NDUFA5: variants seen among roughly 807,000 people sequenced by gnomAD.
NDUFA5 encodes the protein NADH dehydrogenase [ubiquinone] 1 alpha subcomplex subunit 5.
In NDUFA5, 11 loss-of-function variants were observed where a neutral mutation model predicts 19.8. That is an observed-to-expected ratio of 0.56 (90% confidence interval 0.35 to 0.92). The LOEUF is 0.92. NDUFA5 is among the 40% of genes least tolerant of loss of function. The pLI is 0.01. For missense variants in NDUFA5, 109 were observed against 134.2 expected (o/e 0.81, Z 0.93); for synonymous variants, 47 against 46.8 (o/e 1.00, Z -0.01).
At chr7:123,588,616 T>C in the NDUFA5 span, among the ~76,000 whole-genome samples, 18 of 151,180 alleles carry the variant, frequency 1.2e-4, no homozygotes, top group African/African-American at 4.4e-4. Flanking sequence ...CTACTAACTT[T>C]GGGGTTATTT....
chr7:123,561,109 T>A (rs964601730), upstream of NDUFA5, among the ~76,000 whole-genome samples: 1 of 152,238 alleles, frequency 6.6e-6, no homozygotes, highest in South Asian at 2.1e-4. Flanking sequence ...AATACTCAAG[T>A]TGATGTAGCG....
chr7:123,578,720 C>T, the NDUFA5 span, among the ~76,000 whole-genome samples: 1 of 152,030 alleles, frequency 6.6e-6, no homozygotes, highest in Non-Finnish European at 1.5e-5. Context: ...ACATTGAATG[C>T]ACGGTTAGAA....
chr7:123,570,832 C>A, the NDUFA5 span, among the ~76,000 whole-genome samples: 1 of 152,146 alleles, frequency 6.6e-6, no homozygotes, highest in Non-Finnish European at 1.5e-5. Context: ...CTTTTTCTAA[C>A]AAATTTACCT....
the NDUFA5 span, among the ~76,000 whole-genome samples, chr7:123,577,393 T>G: frequency 6.6e-6 from 1 of 152,158 alleles, no homozygotes; most frequent in African/African-American, 2.4e-5. Flanking sequence ...TGGCCCAGTT[T>G]CCCTTCCTTT....
upstream of NDUFA5, among the ~76,000 whole-genome samples, chr7:123,561,147 A>G (rs1444313863): frequency 6.6e-6 from 1 of 152,220 alleles, no homozygotes; most frequent in Non-Finnish European, 1.5e-5. Flanking sequence ...TCAAAATCCC[A>G]GCTTCCTTTT....
chr7:123,560,496 A>C (rs1274443287), upstream of NDUFA5, among the ~76,000 whole-genome samples: 1 of 152,216 alleles, frequency 6.6e-6, no homozygotes, highest in East Asian at 1.9e-4. Context: ...ATTATACGTG[A>C]TCTATCAGGG....
chr7:123,564,946 TAC>T, the NDUFA5 span, among the ~76,000 whole-genome samples: 2 of 147,718 alleles, frequency 1.4e-5, no homozygotes, highest in African/African-American at 2.6e-5. Flanking sequence ...CACACACAAG[TAC>T]ATATAAACAT....
chr7:123,592,968 T>A, the NDUFA5 span, among the ~76,000 whole-genome samples: 1 of 152,166 alleles, frequency 6.6e-6, no homozygotes, highest in African/African-American at 2.4e-5. Context: ...ATTGGGTGCA[T>A]ATATATTTAG....
chr7:123,591,872 T>C, the NDUFA5 span, among the ~76,000 whole-genome samples: 2 of 152,246 alleles, frequency 1.3e-5, no homozygotes, highest in African/African-American at 4.8e-5. Flanking sequence ...TCAGAAGGAA[T>C]GGTACCAGCT....
chr7:123,557,401 T>C lies in NDUFA5; in HGVS notation c.66+3A>G, dbSNP rs1189069081. On this transcript the variant is annotated splice_donor_region_variant and intron_variant, in intron 2 of 4. Coordinates refer to ENST00000355749, the MANE Select transcript of NDUFA5 (RefSeq NM_005000.5). Reference sequence around the variant, plus strand: ...AGAACGAAGAAAGAACAAAGGTACATACCTCGTGAGGAGTATTGCACACAG... The same window carrying C: ...AGAACGAAGAAAGAACAAAGGTACACACCTCGTGAGGAGTATTGCACACAG... 4.3e-6 allele frequency: 7 copies of C among 1,613,558 alleles called. No homozygotes were observed. Among genetic ancestry groups the C allele is most frequent in the Admixed American group, 1.7e-5 (1 of 59,908 alleles).
chr7:123,585,951 A>G, the NDUFA5 span, among the ~76,000 whole-genome samples: 4 of 151,686 alleles, frequency 2.6e-5, no homozygotes, highest in Non-Finnish European at 4.4e-5. Context: ...ATAAATATAT[A>G]TTACATTTTC....
chr7:123,593,527 C>A, the NDUFA5 span, among the ~76,000 whole-genome samples: 255 of 152,180 alleles, frequency 1.7e-3, 1 homozygote, highest in Middle Eastern at 0.01. Context: ...CCTTCACTTA[C>A]AAAGCTTAGT....
intron 3 of NDUFA5, among the ~76,000 whole-genome samples, chr7:123,549,805 C>T (rs182160784): frequency 1.1e-4 from 17 of 152,252 alleles, no homozygotes; most frequent in African/African-American, 2.6e-4. Flanking sequence ...CGATATAATA[C>T]AAACTGCATT....
the NDUFA5 span, among the ~76,000 whole-genome samples, chr7:123,595,757 C>T: frequency 6.6e-6 from 1 of 152,138 alleles, no homozygotes; most frequent in African/African-American, 2.4e-5. Context: ...TGTAAATGCT[C>T]TTTAGCTAGT....
chr7:123,549,474 T>C (rs1298631709), intron 3 of NDUFA5, among the ~76,000 whole-genome samples: 1 of 152,154 alleles, frequency 6.6e-6, no homozygotes, highest in Admixed American at 6.5e-5. Flanking sequence ...ATTTGAAAGA[T>C]GATGATAAAA....
At chr7:123,554,680 C>CT (rs59380778) in intron 2 of NDUFA5, 373 of 143,554 alleles carry the variant, frequency 2.6e-3, no homozygotes, top group Non-Finnish European at 3.3e-3. Context: ...GTTGTTATCT[C>CT]TTTTTTTTTT....
At chr7:123,558,445 A>T (rs1173705567), upstream of NDUFA5, among the ~76,000 whole-genome samples, 2 of 152,232 alleles carry the variant, frequency 1.3e-5, no homozygotes, top group Non-Finnish European at 2.9e-5. Flanking sequence ...TTACTGGGAC[A>T]TAATTTCTAA....
upstream of NDUFA5, among the ~76,000 whole-genome samples, chr7:123,560,457 A>G (rs1430126019): frequency 6.6e-6 from 1 of 152,248 alleles, no homozygotes; most frequent in Non-Finnish European, 1.5e-5. Context: ...CATACATACA[A>G]TTAAAACAAA....
chr7:123,570,419 C>T, the NDUFA5 span, among the ~76,000 whole-genome samples: 4 of 152,072 alleles, frequency 2.6e-5, no homozygotes, highest in Non-Finnish European at 4.4e-5. Flanking sequence ...CTGTCCCTTC[C>T]ACCGAGAGTG....
Sources: allele counts gnomAD v4.1 joint callset (sites outside exome capture counted in the v4.1 genomes callset), GRCh38; gene constraint gnomAD v4.1.1; transcripts MANE v1.5; gene names NCBI Gene and HGNC (gene_info 2026-07-23, HGNC 2026-07-21).